RBFOX1: variants seen among roughly 807,000 people sequenced by gnomAD.
RBFOX1 encodes RNA binding protein fox-1 homolog 1.
Under a neutral mutation model 57.7 loss-of-function variants are expected in RBFOX1, and 8 were observed. The ratio of observed to expected loss-of-function variants is 0.14; its 90% CI spans 0.08 to 0.25. The LOEUF (loss-of-function observed/expected upper bound fraction) is 0.25. Ranked by LOEUF, RBFOX1 falls within the 10% of genes least tolerant of loss-of-function variation. RBFOX1 has a pLI of 1.00. For missense variants in RBFOX1, 611 were observed against 548.5 expected (o/e 1.11, Z -1.14); for synonymous variants, 326 against 222.4 (o/e 1.47, Z -4.15).
intron 4 of RBFOX1, among the ~76,000 whole-genome samples, chr16:7,061,978 C>A (rs1837713718): frequency 6.6e-6 from 1 of 152,090 alleles, no homozygotes; most frequent in South Asian, 2.1e-4. Flanking sequence ...GAGCAAGAAA[C>A]TCTCCTTTCC....
intron 3 of RBFOX1, among the ~76,000 whole-genome samples, chr16:6,821,760 C>G (rs566757980): frequency 6.6e-6 from 1 of 152,102 alleles, no homozygotes; most frequent in Non-Finnish European, 1.5e-5. Flanking sequence ...TAGAAATGAA[C>G]CAATTTTTTC....
At chr16:6,857,256 C>A (rs2058077883) in intron 3 of RBFOX1, among the ~76,000 whole-genome samples, 1 of 152,190 alleles carries the variant, frequency 6.6e-6, no homozygotes, top group Non-Finnish European at 1.5e-5. Context: ...ACTCCCCAAT[C>A]TCTAAATAAA....
At chr16:6,650,277 T>C (rs752959250) in intron 2 of RBFOX1, among the ~76,000 whole-genome samples, 4 of 133,950 alleles carry the variant, frequency 3.0e-5, no homozygotes, top group Non-Finnish European at 6.7e-5. Flanking sequence ...TGGTTTTATT[T>C]TTATTTATTT....
At chr16:7,629,299 GCTTTGGA>G (rs2060563453) in intron 10 of RBFOX1, among the ~76,000 whole-genome samples, 1 of 152,130 alleles carries the variant, frequency 6.6e-6, no homozygotes, top group African/African-American at 2.4e-5. Flanking sequence ...GACCCCACAC[GCTTTGGA>G]AGTTTTAACT....
chr16:7,174,923 C>T (rs925809590), intron 4 of RBFOX1, among the ~76,000 whole-genome samples: 8 of 152,198 alleles, frequency 5.3e-5, no homozygotes, highest in Admixed American at 3.3e-4. Flanking sequence ...ATCTATCTTT[C>T]AAATTACTGC....
intron 4 of RBFOX1, among the ~76,000 whole-genome samples, chr16:7,091,861 T>C (rs1203911621): frequency 6.6e-6 from 1 of 152,252 alleles, no homozygotes; most frequent in African/African-American, 2.4e-5. Context: ...TCAGAGATTA[T>C]GCAGAAGTTG....
At chr16:5,314,111 C>G (rs1332640646) in intron 1 of RBFOX1, among the ~76,000 whole-genome samples, 1 of 152,210 alleles carries the variant, frequency 6.6e-6, no homozygotes, top group East Asian at 1.9e-4. Flanking sequence ...ACCCTCTTGA[C>G]AATCTGATGA....
chr16:7,376,161 T>G (rs2097682545), intron 4 of RBFOX1, among the ~76,000 whole-genome samples: 1 of 152,240 alleles, frequency 6.6e-6, no homozygotes, highest in Non-Finnish European at 1.5e-5. Flanking sequence ...ATTGCATTTT[T>G]GGAACATATA....
At chr16:7,646,170 A>T (rs2143997475) in intron 11 of RBFOX1, among the ~76,000 whole-genome samples, 1 of 152,252 alleles carries the variant, frequency 6.6e-6, no homozygotes, top group South Asian at 2.1e-4. Flanking sequence ...GAGAAAACAT[A>T]TTTTGCCATT....
chr16:6,314,306 C>T (rs1037132170), intron 1 of RBFOX1, among the ~76,000 whole-genome samples: 6 of 152,172 alleles, frequency 3.9e-5, no homozygotes, highest in Non-Finnish European at 8.8e-5. Context: ...AAACATTGCC[C>T]TTGCCTTCCA....
chr16:5,550,842 C>T (rs147887208), intron 2 of RBFOX1, among the ~76,000 whole-genome samples: 36 of 152,298 alleles, frequency 2.4e-4, no homozygotes, highest in African/African-American at 8.4e-4. Flanking sequence ...GAAAGGACAT[C>T]TTTATACCAG....
At chr16:7,487,472 C>A (rs576068617) in intron 4 of RBFOX1, among the ~76,000 whole-genome samples, 1 of 152,098 alleles carries the variant, frequency 6.6e-6, no homozygotes, top group South Asian at 2.1e-4. Context: ...ATTTCACCTG[C>A]GTGAAATAGG....
intron 4 of RBFOX1, among the ~76,000 whole-genome samples, chr16:5,920,386 G>T (rs2058795991): frequency 6.6e-6 from 1 of 152,108 alleles, no homozygotes; most frequent in African/African-American, 2.4e-5. Context: ...TCCTACCTTT[G>T]GATTGTTTAG....
intron 4 of RBFOX1, among the ~76,000 whole-genome samples, chr16:7,378,574 AT>A: frequency 6.6e-6 from 1 of 152,268 alleles, no homozygotes; most frequent in African/African-American, 2.4e-5. Flanking sequence ...GATGCATTTA[AT>A]CTGGGACATG....
chr16:7,451,184 G>T (rs562211860), intron 4 of RBFOX1, among the ~76,000 whole-genome samples: 2 of 152,280 alleles, frequency 1.3e-5, no homozygotes, highest in South Asian at 2.1e-4. Flanking sequence ...CTGGGTGAGG[G>T]ACATCGGATT....
At chr16:6,264,807 G>GT (rs1379704398) in intron 1 of RBFOX1, among the ~76,000 whole-genome samples, 3 of 152,088 alleles carry the variant, frequency 2.0e-5, no homozygotes, top group Admixed American at 1.3e-4. Context: ...TATCTGATTA[G>GT]TTTTTTTGTT....
intron 4 of RBFOX1, among the ~76,000 whole-genome samples, chr16:7,364,529 C>A (rs970470143): frequency 7.4e-6 from 1 of 134,684 alleles, no homozygotes; most frequent in African/African-American, 2.8e-5. Context: ...CAAGGGAGAG[C>A]ATTTATTGGG....
intron 4 of RBFOX1, among the ~76,000 whole-genome samples, chr16:7,182,154 A>G (rs1017047177): frequency 5.9e-5 from 9 of 152,176 alleles, no homozygotes; most frequent in African/African-American, 2.2e-4. Context: ...CCTATTAGGT[A>G]TCTTTGACCT....
In RBFOX1 at chr16:6,029,569, C is replaced by T. The variant is rs567352649; in HGVS notation, c.-127+9577C>T. On this transcript the variant is annotated intron_variant, in intron 1 of 15. Coordinates refer to ENST00000550418, the MANE Select transcript of RBFOX1 (RefSeq NM_018723.4). ...CGGGTGGATCACGAGGTCAGGAGAT[C>T]GAGACCATCCTGGCTAACATGGTGA... Among the ~76,000 whole-genome samples the T allele has an allele frequency of 2.1e-3, 313 of 150,890 alleles. 1 individual carries two copies. Among genetic ancestry groups the T allele is most frequent in the African/African-American group, 7.3e-3 (300 of 41,054 alleles).
Sources: gnomAD v4.1 joint callset for allele counts (sites outside exome capture counted in the v4.1 genomes callset) on GRCh38, gnomAD v4.1.1 for gene constraint, MANE v1.5 for transcripts, NCBI Gene and HGNC (gene_info 2026-07-23, HGNC 2026-07-21) for gene names.